ROBO1: variants seen among roughly 807,000 people sequenced by gnomAD.
ROBO1 encodes roundabout homolog 1.
In ROBO1, 149 loss-of-function variants were observed where a neutral mutation model predicts 195.9. The observed-to-expected ratio is 0.76, with a 90% confidence interval of 0.67 to 0.87. The LOEUF (loss-of-function observed/expected upper bound fraction) is 0.87, where lower values mean the gene tolerates loss of function less well. ROBO1 is among the 40% of genes least tolerant of loss of function. ROBO1 has a pLI of 0.00. For missense variants in ROBO1, 1,933 were observed against 2,068.3 expected (o/e 0.93, Z 1.27); for synonymous variants, 816 against 733.2 (o/e 1.11, Z -1.82).
chr3:78,851,646 G>GA (rs1372216272), intron 4 of ROBO1, among the ~76,000 whole-genome samples: 2 of 152,142 alleles, frequency 1.3e-5, no homozygotes, highest in Non-Finnish European at 2.9e-5. Flanking sequence ...AAGGGCACCT[G>GA]AAAGCAGATG....
intron 2 of ROBO1, among the ~76,000 whole-genome samples, chr3:79,359,089 A>G (rs1039243401): frequency 3.3e-5 from 5 of 152,038 alleles, no homozygotes; most frequent in African/African-American, 7.2e-5. Flanking sequence ...TTATTTATCT[A>G]TGTGGGTAAG....
At chr3:78,638,198 T>A (rs1367357974) in intron 22 of ROBO1, among the ~76,000 whole-genome samples, 1 of 141,288 alleles carries the variant, frequency 7.1e-6, no homozygotes, top group Non-Finnish European at 1.6e-5. Context: ...TATATGTGTG[T>A]ATGTGTGTAT....
At chr3:79,019,394 C>T (rs755600241) in intron 3 of ROBO1, 2 of 986,038 alleles carry the variant, frequency 2.0e-6, no homozygotes, top group Non-Finnish European at 2.4e-6. Flanking sequence ...CGGCTCACCC[C>T]AGCTCCTCCC....
chr3:78,910,222 G>A (rs527546631), intron 4 of ROBO1, among the ~76,000 whole-genome samples: 12 of 151,836 alleles, frequency 7.9e-5, no homozygotes, highest in African/African-American at 2.4e-4. Context: ...AGGATCCTGC[G>A]TGTTCCTATA....
chr3:78,796,721 C>T (rs1256037970), intron 4 of ROBO1, among the ~76,000 whole-genome samples: 2 of 152,098 alleles, frequency 1.3e-5, no homozygotes, highest in Middle Eastern at 3.4e-3. Flanking sequence ...TTTGCTAAAG[C>T]TCTTCCTTCC....
At chr3:79,403,499 C>T (rs976542863) in intron 2 of ROBO1, among the ~76,000 whole-genome samples, 14 of 151,834 alleles carry the variant, frequency 9.2e-5, no homozygotes, top group Admixed American at 5.3e-4. Flanking sequence ...AGTTCTGTAA[C>T]GTAGGAACAA....
intron 1 of ROBO1, among the ~76,000 whole-genome samples, chr3:79,673,878 TA>T (rs1560089349): frequency 6.6e-6 from 1 of 151,996 alleles, no homozygotes; most frequent in Admixed American, 6.6e-5. Context: ...TGGATTACCA[TA>T]AGCTCAGATG....
chr3:78,955,060 T>C (rs570742856), intron 3 of ROBO1, among the ~76,000 whole-genome samples: 19 of 151,122 alleles, frequency 1.3e-4, no homozygotes, highest in East Asian at 3.9e-4. Flanking sequence ...TGGGGTTATA[T>C]AGGTAAACTG....
In ROBO1 at chr3:78,817,306, T is replaced by A. The variant is rs116219325; in HGVS notation, c.500-70406A>T. Among the ~76,000 whole-genome samples, 1,218 of 152,334 alleles carry A rather than the reference T, an allele frequency of 8.0e-3. 12 individuals are homozygous for A. Among genetic ancestry groups the A allele is most frequent in the Admixed American group, 0.012 (188 of 15,302 alleles). On this transcript the variant is annotated intron_variant, in intron 4 of 30. Coordinates refer to ENST00000464233, the MANE Select transcript of ROBO1 (RefSeq NM_002941.4). ...GTGACTCATTTGAGATTAAGATGAT[T>A]GTTTGCATTTTTTAGCAATATGTTA...
chr3:79,503,003 G>A (rs75600563), intron 2 of ROBO1, among the ~76,000 whole-genome samples: 2,055 of 152,248 alleles, frequency 0.013, 46 homozygotes, highest in African/African-American at 0.047. Context: ...CACCAGATAA[G>A]AGAATAAAAG....
At chr3:79,354,406 A>G (rs1234424962) in intron 2 of ROBO1, among the ~76,000 whole-genome samples, 1 of 152,152 alleles carries the variant, frequency 6.6e-6, no homozygotes, top group Non-Finnish European at 1.5e-5. Flanking sequence ...TCTGCCTTCT[A>G]AAGGCCTAAT....
intron 1 of ROBO1, among the ~76,000 whole-genome samples, chr3:79,593,118 C>T (rs1022292860): frequency 7.2e-5 from 11 of 151,954 alleles, no homozygotes; most frequent in Non-Finnish European, 1.6e-4. Context: ...AAAAACATTC[C>T]ATTGTCTGGA....
chr3:78,743,716 G>C (rs2082587656), intron 5 of ROBO1, among the ~76,000 whole-genome samples: 1 of 152,104 alleles, frequency 6.6e-6, no homozygotes, highest in South Asian at 2.1e-4. Context: ...ATAACTCAGG[G>C]GCTCAGGCTC....
chr3:79,006,741 C>A (rs1476254829), intron 3 of ROBO1, among the ~76,000 whole-genome samples: 2 of 129,496 alleles, frequency 1.5e-5, no homozygotes, highest in African/African-American at 5.8e-5. Flanking sequence ...CAGTTTTCAA[C>A]CCTTACAAAA....
At chr3:79,364,772 G>A (rs1275166842) in intron 2 of ROBO1, among the ~76,000 whole-genome samples, 1 of 152,146 alleles carries the variant, frequency 6.6e-6, no homozygotes, top group African/African-American at 2.4e-5. Context: ...ACATTTAATA[G>A]TGATTCATAC....
At chr3:79,290,570 G>A (rs764965703) in intron 2 of ROBO1, among the ~76,000 whole-genome samples, 3 of 151,858 alleles carry the variant, frequency 2.0e-5, no homozygotes, top group Non-Finnish European at 4.4e-5. Context: ...TTGTACTCTC[G>A]ACACCTCTCT....
intron 2 of ROBO1, among the ~76,000 whole-genome samples, chr3:79,173,741 T>G (rs927059936): frequency 6.6e-6 from 1 of 152,168 alleles, no homozygotes; most frequent in East Asian, 1.9e-4. Flanking sequence ...CAGCTCCACC[T>G]GTGGCCCCAG....
chr3:79,387,205 A>T (rs79833521), intron 2 of ROBO1, among the ~76,000 whole-genome samples: 5,233 of 152,276 alleles, frequency 0.034, 201 homozygotes, highest in African/African-American at 0.098. Context: ...AGATTCTTAC[A>T]AAGAAAGTAC....
chr3:79,400,383 T>A (rs1416168569), intron 2 of ROBO1, among the ~76,000 whole-genome samples: 1 of 152,064 alleles, frequency 6.6e-6, no homozygotes, highest in African/African-American at 2.4e-5. Flanking sequence ...GGCAGATACA[T>A]GACAAATTTA....
Sources: allele counts gnomAD v4.1 joint callset (sites outside exome capture counted in the v4.1 genomes callset), GRCh38; gene constraint gnomAD v4.1.1; transcripts MANE v1.5; gene names NCBI Gene and HGNC (gene_info 2026-07-23, HGNC 2026-07-21).